RYR2: variants seen among roughly 807,000 people sequenced by gnomAD.
The protein encoded by RYR2 is cardiac muscle ryanodine receptor-calcium release channel.
In RYR2, 227 loss-of-function variants were observed where a neutral mutation model predicts 601.1. The observed-to-expected ratio is 0.38, with a 90% CI of 0.34 to 0.42. The LOEUF is 0.42. Ranked by LOEUF, RYR2 falls within the 10% of genes least tolerant of loss-of-function variation. The pLI is 1.00. For synonymous variants in RYR2, 2,223 were observed against 2,175.1 expected, an observed-to-expected ratio of 1.02 and a Z score of -0.61; for missense variants, 4,646 against 6,156.5, an observed-to-expected ratio of 0.75 and a Z score of 8.21.
At chr1:237,183,854 C>T (rs913183866) in intron 1 of RYR2, among the ~76,000 whole-genome samples, 1 of 152,174 alleles carries the variant, frequency 6.6e-6, no homozygotes. Flanking sequence ...TCAATGAAGG[C>T]AGCTGATACT....
chr1:237,157,412 G>C lies in RYR2; in HGVS notation c.49-113085G>C, dbSNP rs149602362. 4.2e-3 allele frequency among the ~76,000 whole-genome samples: 633 copies of C among 151,580 alleles called. 6 individuals carry two copies. Among genetic ancestry groups the C allele is most frequent in the African/African-American group, 0.015 (604 of 41,304 alleles). ...TAAATATCCAAAACAACAGCAATCA[G>C]TATATCTAAGATATCTGCACTCTCA... On this transcript the variant is annotated intron_variant, in intron 1 of 104. Transcript: ENST00000366574.
intron 29 of RYR2, among the ~76,000 whole-genome samples, chr1:237,582,298 T>C (rs2618705): frequency 0.9 from 134,922 of 150,438 alleles, 62,044 homozygotes; most frequent in East Asian, 1. Context: ...TTAGTAGAGA[T>C]GGAGTTTCAC....
chr1:237,523,650 T>C (rs957325832), intron 24 of RYR2, among the ~76,000 whole-genome samples: 1 of 151,926 alleles, frequency 6.6e-6, no homozygotes, highest in Non-Finnish European at 1.5e-5. Flanking sequence ...GGCAGGAGAA[T>C]TGCTTGAACC....
At chr1:237,236,706 ATT>A (rs1685582982) in intron 1 of RYR2, among the ~76,000 whole-genome samples, 1 of 152,290 alleles carries the variant, frequency 6.6e-6, no homozygotes, top group Admixed American at 6.5e-5. Flanking sequence ...AAGAACTTAG[ATT>A]GAGTGTAAGC....
chr1:237,392,839 A>G (rs1389869322), intron 10 of RYR2, among the ~76,000 whole-genome samples: 1 of 152,246 alleles, frequency 6.6e-6, no homozygotes, highest in African/African-American at 2.4e-5. Flanking sequence ...CAGGTTTGCA[A>G]TGTCGAAACT....
rs563933502 is a variant in RYR2 at position 237,134,602 on chromosome 1, C to G, written c.48+92033C>G. ...CCACATGTGAGAATTGTGGGAGCTA[C>G]AATTCAAGATGAGATTTGGGTGGGG... On this transcript the variant is annotated intron_variant, in intron 1 of 104. Coordinates refer to ENST00000366574, the MANE Select transcript of RYR2 (RefSeq NM_001035.3). 4.6e-5 allele frequency among the ~76,000 whole-genome samples: 7 copies of G among 152,294 alleles called. No individual in the cohort carries two copies. In the East Asian group the frequency reaches 1.4e-3, roughly 29 times the overall value.
intron 17 of RYR2, chr1:237,471,174 G>C (rs556825690): frequency 6.5e-6 from 1 of 154,390 alleles, no homozygotes; most frequent in East Asian, 1.9e-4. Context: ...CAAGGAGACG[G>C]GAACATGGAG....
At chr1:237,582,575 C>T (rs1008926819) in intron 29 of RYR2, among the ~76,000 whole-genome samples, 4 of 152,012 alleles carry the variant, frequency 2.6e-5, no homozygotes, top group African/African-American at 9.7e-5. Flanking sequence ...CAACCCTTGT[C>T]CCCCCACCAC....
chr1:237,073,980 C>A (rs115314349), intron 1 of RYR2, among the ~76,000 whole-genome samples: 1 of 149,916 alleles, frequency 6.7e-6, no homozygotes, highest in African/African-American at 2.5e-5. Flanking sequence ...TTTTCCTTTT[C>A]GTCGTATTTT....
At chr1:237,171,977 C>T (rs540769689) in intron 1 of RYR2, among the ~76,000 whole-genome samples, 132 of 152,300 alleles carry the variant, frequency 8.7e-4, no homozygotes, top group Non-Finnish European at 1.2e-3. Flanking sequence ...CCCAATTTGC[C>T]TTAACATCCG....
intron 1 of RYR2, among the ~76,000 whole-genome samples, chr1:237,253,713 A>G (rs999489663): frequency 7.2e-5 from 11 of 152,210 alleles, no homozygotes; most frequent in Admixed American, 4.6e-4. Flanking sequence ...TTGCTCAGGT[A>G]TAGTTTGCTG....
At chr1:237,441,885 G>A (rs938063153) in intron 13 of RYR2, among the ~76,000 whole-genome samples, 2 of 134,748 alleles carry the variant, frequency 1.5e-5, no homozygotes, top group Non-Finnish European at 3.0e-5. Flanking sequence ...ATCTAAGGAG[G>A]GGGCGGGGTC....
Position 237,591,836 on chromosome 1 carries a change from T to C in RYR2, c.4258T>C (p.Leu1420=), listed in dbSNP as rs1675236004. The change falls in exon 32 of 105, where the codon TTG becomes CTG. Residue 1420 remains leucine, a synonymous_variant. Transcript: ENST00000366574. ...TGATGATCGGGATGACTATGATTTC[T>C]TGATGCAAACGTCCACGGTATGAGG... ...LADDRDDYDF[L]MQTSTYYYSV... The C allele has an allele frequency of 1.2e-6, 2 of 1,612,932 alleles. No individual in the cohort carries two copies. The highest frequency in any genetic ancestry group is 1.3e-5 in the African/African-American group (1 of 74,932).
chr1:237,221,725 TAAG>T (rs1558450093), intron 1 of RYR2, among the ~76,000 whole-genome samples: 2 of 152,148 alleles, frequency 1.3e-5, no homozygotes, highest in African/African-American at 4.8e-5. Context: ...TTCTATTTAG[TAAG>T]AAGGGACATG....
intron 16 of RYR2, among the ~76,000 whole-genome samples, chr1:237,462,723 G>A (rs1421790634): frequency 6.6e-6 from 1 of 152,140 alleles, no homozygotes; most frequent in East Asian, 1.9e-4. Context: ...CAAGGAGGCA[G>A]ATCTCCCTAA....
At position 237,798,065 on chromosome 1, in the gene RYR2, G is replaced by A; in HGVS notation, c.13985G>A (p.Gly4662Asp). ...KVMDKYGEFYGRDRISELLGM... is the reference protein window; with the variant it reads ...KVMDKYGEFYDRDRISELLGM... ...ATGGATAAATATGGAGAGTTCTACG[G>A]CCGAGACAGAATCAGTGAATTACTT... Residue 4662 changes from glycine (G) to aspartate (D), a missense_variant, in exon 97 of 105, where the codon GGC (glycine) becomes GAC (aspartate). Physicochemically the swap from Gly to Asp is moderately conservative, Grantham distance 94. Around this residue, in one of 17 missense-constraint regions of RYR2, gnomAD observed 76 missense variants for 97.4 expected, o/e 0.78. Coordinates refer to ENST00000366574, the MANE Select transcript of RYR2 (RefSeq NM_001035.3). The A allele has an allele frequency of 1.2e-6, 2 of 1,611,262 alleles. No homozygotes were observed. Among genetic ancestry groups the A allele is most frequent in the Non-Finnish European group, 1.7e-6 (2 of 1,178,640 alleles).
intron 1 of RYR2, among the ~76,000 whole-genome samples, chr1:237,148,777 T>C (rs1008783120): frequency 1.3e-5 from 2 of 152,010 alleles, no homozygotes; most frequent in Non-Finnish European, 2.9e-5. Flanking sequence ...ATGATAATTA[T>C]ACCGACTTCG....
intron 29 of RYR2, among the ~76,000 whole-genome samples, chr1:237,574,893 A>G (rs554292358): frequency 6.6e-6 from 1 of 152,324 alleles, no homozygotes; most frequent in East Asian, 1.9e-4. Flanking sequence ...ACCCAGCCCT[A>G]CCATGCTGGA....
At chr1:237,189,433 G>A (rs1001926689) in intron 1 of RYR2, among the ~76,000 whole-genome samples, 4 of 152,264 alleles carry the variant, frequency 2.6e-5, no homozygotes, top group Admixed American at 6.5e-5. Flanking sequence ...TACCCATGTC[G>A]TGGATGGAAT....
Sources: allele counts gnomAD v4.1 joint callset (sites outside exome capture counted in the v4.1 genomes callset), GRCh38; gene constraint gnomAD v4.1.1; regional missense constraint gnomAD v4.1.1; transcripts MANE v1.5; gene names NCBI Gene and HGNC (gene_info 2026-07-23, HGNC 2026-07-21).